Variants in MYCBP2 observed in about 807,000 individuals in gnomAD.
The protein encoded by MYCBP2 is E3 ubiquitin-protein ligase MYCBP2.
Under a neutral mutation model 525.3 loss-of-function variants are expected in MYCBP2, and 120 were observed. That is an observed-to-expected ratio of 0.23 (90% CI 0.20 to 0.27). MYCBP2 has a LOEUF of 0.27. Ranked by LOEUF, MYCBP2 falls within the 10% of genes least tolerant of loss-of-function variation. The pLI, the probability that MYCBP2 is intolerant of heterozygous loss-of-function variation, is 1.00. For missense variants in MYCBP2, 4,149 were observed against 5,657.1 expected (o/e 0.73, Z 8.55); for synonymous variants, 1,894 against 1,955.8 (o/e 0.97, Z 0.83).
At chr13:77,265,266 C>T (rs1042673139) in intron 8 of MYCBP2, among the ~76,000 whole-genome samples, 6 of 151,916 alleles carry the variant, frequency 3.9e-5, no homozygotes, top group East Asian at 1.9e-4. Context: ...CACAAAGAGG[C>T]GCAAGAAAGA....
chr13:77,273,561 C>T lies in MYCBP2; in HGVS notation c.856G>A (p.Val286Met). Residue 286 changes from valine (V) to methionine (M), a missense_variant, in exon 5 of 83, where the codon GTG (valine) becomes ATG (methionine). This residue lies in a region of MYCBP2 where 413 missense variants were observed against 451.2 expected (regional missense o/e 0.92). Coordinates refer to ENST00000544440, the MANE Select transcript of MYCBP2 (RefSeq NM_015057.5). ...ALSCACLFSLVASWGETGRTL... is the reference protein window; with the variant it reads ...ALSCACLFSLMASWGETGRTL... The stretch of plus-strand genomic sequence containing the variant: ...CTTCCTGTTTCTCCCCAAGAAGCCA[C>T]CAGACTAAAGAGGCAAGCACAGGAA... 6.2e-7 allele frequency: 1 copy of T among 1,613,674 alleles called. No individual in the cohort carries two copies. The highest frequency in any genetic ancestry group is 1.3e-5 in the African/African-American group (1 of 74,998).
At chr13:77,231,913 G>T (rs2067188612) in intron 18 of MYCBP2, among the ~76,000 whole-genome samples, 1 of 152,146 alleles carries the variant, frequency 6.6e-6, no homozygotes, top group Non-Finnish European at 1.5e-5. Flanking sequence ...TTTGGAATCA[G>T]CTGTCTTAGG....
At chr13:77,288,424 C>A in intron 2 of MYCBP2, 48 bp from the exon 3 acceptor site, 1 of 1,473,740 alleles carries the variant, frequency 6.8e-7, no homozygotes, top group Non-Finnish European at 9.4e-7. Flanking sequence ...TTTCTATCAT[C>A]AAGTCCCATT....
At chr13:77,125,074 T>C (rs2051414725) in intron 54 of MYCBP2, among the ~76,000 whole-genome samples, 1 of 152,192 alleles carries the variant, frequency 6.6e-6, no homozygotes, top group Non-Finnish European at 1.5e-5. Context: ...TATAAATTTA[T>C]ATTAATGAAA....
At chr13:77,321,281 T>G (rs900440043) in intron 1 of MYCBP2, among the ~76,000 whole-genome samples, 1 of 152,344 alleles carries the variant, frequency 6.6e-6, no homozygotes, top group South Asian at 2.1e-4. Context: ...GTTAGGAAAC[T>G]AATTCATTTC....
At chr13:77,257,316 T>C (rs928967693) in intron 14 of MYCBP2, among the ~76,000 whole-genome samples, 2 of 152,100 alleles carry the variant, frequency 1.3e-5, no homozygotes, top group Non-Finnish European at 2.9e-5. Context: ...AGATCTACTA[T>C]TTGATAGCAC....
At chr13:77,175,544 G>A (rs768240551) in intron 36 of MYCBP2, among the ~76,000 whole-genome samples, 4 of 152,040 alleles carry the variant, frequency 2.6e-5, no homozygotes, top group Non-Finnish European at 4.4e-5. Flanking sequence ...CTCGTGTACC[G>A]ATCTTATCCA....
chr13:77,067,764 A>G lies in MYCBP2; in HGVS notation c.12272T>C (p.Ile4091Thr), dbSNP rs528961156. 26 of 1,614,040 alleles carry G rather than the reference A, an allele frequency of 1.6e-5. No homozygotes were observed. In the Admixed American group the frequency reaches 3.3e-4, roughly 21 times the overall value. ...KSLPPADISD[I>T]IHSTEKGDWN... ...GTCTCCTTTCTCTGTTGAGTGAATG[A>G]TATCACTGATATCTGCTGGGGGGAG... is the stretch of plus-strand genomic sequence containing the variant. The change falls in exon 71 of 83, where the codon ATC (isoleucine) becomes ACC (threonine). Residue 4091 changes from isoleucine (I) to threonine (T), a missense_variant. Transcript: ENST00000544440.
intron 15 of MYCBP2, among the ~76,000 whole-genome samples, chr13:77,247,934 CA>C (rs554559063): frequency 0.014 from 1,999 of 147,844 alleles, 47 homozygotes; most frequent in African/African-American, 0.046. Context: ...AAAACTATTA[CA>C]AAAAAAAACA....
At chr13:77,262,947 GA>G (rs2073543255) in intron 10 of MYCBP2, among the ~76,000 whole-genome samples, 2 of 151,966 alleles carry the variant, frequency 1.3e-5, no homozygotes, top group South Asian at 4.1e-4. Context: ...AATGTAATGA[GA>G]TAACAGTCAA....
At chr13:77,101,783 T>C (rs1253945414) in intron 55 of MYCBP2, among the ~76,000 whole-genome samples, 7 of 152,034 alleles carry the variant, frequency 4.6e-5, no homozygotes, top group Admixed American at 4.6e-4. Context: ...GCTTGTTAAG[T>C]GGGGTAAGCC....
intron 34 of MYCBP2, among the ~76,000 whole-genome samples, chr13:77,179,336 T>C (rs1566827775): frequency 1.3e-5 from 2 of 152,212 alleles, no homozygotes; most frequent in African/African-American, 2.4e-5. Flanking sequence ...TATTTCATAT[T>C]AGGACATGAT....
At chr13:77,286,803 T>A (rs1236298570) in intron 3 of MYCBP2, among the ~76,000 whole-genome samples, 4 of 115,506 alleles carry the variant, frequency 3.5e-5, no homozygotes, top group African/African-American at 1.0e-4. Context: ...TATATATATA[T>A]ATATATATAT....
At chr13:77,109,601 T>C (rs2048438309) in intron 55 of MYCBP2, 1 of 152,124 alleles carries the variant, frequency 6.6e-6, no homozygotes, top group Admixed American at 6.5e-5. Context: ...AACTATAAAA[T>C]AGCAAGGCTG....
intron 1 of MYCBP2, among the ~76,000 whole-genome samples, chr13:77,318,672 T>C (rs1469053362): frequency 6.6e-6 from 1 of 152,188 alleles, no homozygotes; most frequent in Non-Finnish European, 1.5e-5. Flanking sequence ...AAGAATCACT[T>C]GAACCTGGCA....
intron 4 of MYCBP2, among the ~76,000 whole-genome samples, chr13:77,275,251 T>C (rs1394043996): frequency 6.6e-6 from 1 of 152,186 alleles, no homozygotes; most frequent in Non-Finnish European, 1.5e-5. Flanking sequence ...TGTAATGAAA[T>C]AGAGAATGAC....
intron 61 of MYCBP2, 43 bp downstream of exon 61, chr13:77,088,789 T>C (rs750336835): frequency 1.6e-5 from 25 of 1,520,358 alleles, no homozygotes; most frequent in Non-Finnish European, 5.4e-6. Context: ...ATCACATGAT[T>C]TGTATAATCA....
In MYCBP2 at chr13:77,243,866, C is replaced by A. The variant is rs2069352028; in HGVS notation, c.2467G>T (p.Ala823Ser). Residue 823 changes from alanine (A) to serine (S), a missense_variant, in exon 16 of 83, where the codon GCA becomes TCA. Transcript: ENST00000544440. ...GCATCAAGAATTCCTCTTTGTCTTG[C>A]CTCTTGACCATCTAACTCTCTTGCA... ...ACARELDGQEARQRGILDAVK... is the reference protein window; with the variant it reads ...ACARELDGQESRQRGILDAVK... The A allele has an allele frequency of 6.2e-7, 1 of 1,613,228 alleles. No homozygotes were observed.
rs776751150 is a variant in MYCBP2 at position 77,068,550 on chromosome 13, A to C, written c.12171+15T>G. The C allele has an allele frequency of 6.2e-7, 1 of 1,613,202 alleles. No homozygotes were observed. The highest frequency in any genetic ancestry group is 1.3e-5 in the African/African-American group (1 of 74,918). ...GTAACAAAAGCAATGGAAAGGCTGT[A>C]GTGTGATCAGTCACCTGTCTCTGGA... On this transcript the variant is annotated intron_variant, in intron 70 of 82. Coordinates refer to ENST00000544440, the MANE Select transcript of MYCBP2 (RefSeq NM_015057.5).
Sources: allele counts gnomAD v4.1 joint callset (sites outside exome capture counted in the v4.1 genomes callset), GRCh38; gene constraint gnomAD v4.1.1; regional missense constraint gnomAD v4.1.1; transcripts MANE v1.5; gene names NCBI Gene and HGNC (gene_info 2026-07-23, HGNC 2026-07-21).